Variants in LRMDA observed in about 807,000 individuals in gnomAD.
LRMDA encodes the protein leucine rich melanocyte differentiation associated.
In LRMDA, 18 loss-of-function variants were observed where a neutral mutation model predicts 29.8. The ratio of observed to expected loss-of-function variants is 0.60; its 90% CI spans 0.42 to 0.90. The LOEUF (loss-of-function observed/expected upper bound fraction) is 0.90. LRMDA is among the 40% of genes least tolerant of loss of function. The probability of loss-of-function intolerance (pLI) is 0.00; values close to 1 mark genes in which losing one functional copy is unlikely to be tolerated. For synonymous variants in LRMDA, 125 were observed against 109.4 expected (o/e 1.14, Z -0.89); for missense variants, 273 against 273.9 (o/e 1.00, Z 0.02).
At chr10:76,204,116 A>T (rs1219335495) in intron 5 of LRMDA, among the ~76,000 whole-genome samples, 1 of 122,412 alleles carries the variant, frequency 8.2e-6, no homozygotes, top group Non-Finnish European at 1.6e-5. Flanking sequence ...CCATCAACCC[A>T]TCTCTCCATG....
chr10:75,768,092 C>T (rs1564563014), intron 2 of LRMDA, among the ~76,000 whole-genome samples: 1 of 152,152 alleles, frequency 6.6e-6, no homozygotes, highest in Non-Finnish European at 1.5e-5. Flanking sequence ...TTCTAGTCTC[C>T]AGGACTGTGG....
At chr10:75,877,636 A>C (rs1334052280) in intron 2 of LRMDA, among the ~76,000 whole-genome samples, 1 of 152,226 alleles carries the variant, frequency 6.6e-6, no homozygotes, top group Non-Finnish European at 1.5e-5. Context: ...CTAACAGGCA[A>C]ACTAGCTTAG....
chr10:76,460,644 C>T (rs991161940), intron 6 of LRMDA, among the ~76,000 whole-genome samples: 18 of 152,206 alleles, frequency 1.2e-4, no homozygotes, highest in African/African-American at 4.1e-4. Context: ...TCAGGGTGCC[C>T]AGCCCAGGGT....
intron 2 of LRMDA, among the ~76,000 whole-genome samples, chr10:75,735,456 AAACT>A (rs923498813): frequency 5.3e-5 from 8 of 152,176 alleles, no homozygotes; most frequent in East Asian, 1.9e-4. Flanking sequence ...CATGAAAAAC[AAACT>A]AACTAACAAT....
At chr10:76,285,241 C>T (rs537385669) in intron 5 of LRMDA, among the ~76,000 whole-genome samples, 18 of 152,036 alleles carry the variant, frequency 1.2e-4, no homozygotes, top group African/African-American at 4.3e-4. Flanking sequence ...CAGTTTTTTC[C>T]ACAACTCAAC....
chr10:75,829,744 T>C (rs1037377252), intron 2 of LRMDA, among the ~76,000 whole-genome samples: 2 of 152,006 alleles, frequency 1.3e-5, no homozygotes, highest in Admixed American at 6.6e-5. Context: ...TACTGTCTTA[T>C]GGCAAATTTT....
intron 2 of LRMDA, among the ~76,000 whole-genome samples, chr10:75,927,730 G>A (rs1846143007): frequency 6.6e-6 from 1 of 152,226 alleles, no homozygotes; most frequent in Non-Finnish European, 1.5e-5. Flanking sequence ...CACACAGCTA[G>A]TAAACAGTAA....
At chr10:75,958,215 G>T (rs1331812844) in intron 2 of LRMDA, among the ~76,000 whole-genome samples, 1 of 152,168 alleles carries the variant, frequency 6.6e-6, no homozygotes, top group Admixed American at 6.5e-5. Context: ...GTACATCCTG[G>T]TTTCTTGCTT....
chr10:75,659,911 A>G (rs1038907734), intron 2 of LRMDA, among the ~76,000 whole-genome samples: 5 of 152,058 alleles, frequency 3.3e-5, no homozygotes, highest in Non-Finnish European at 7.4e-5. Context: ...TCATTGCCCT[A>G]TGATTTTTTT....
chr10:75,532,077 A>AT (rs1491345365), intron 2 of LRMDA, among the ~76,000 whole-genome samples: 2 of 140,422 alleles, frequency 1.4e-5, no homozygotes, highest in Non-Finnish European at 3.1e-5. Flanking sequence ...AAAAAAAAAA[A>AT]GGAAAGAGCC....
chr10:75,659,623 T>TCAC (rs1047538480), intron 2 of LRMDA, among the ~76,000 whole-genome samples: 1 of 152,180 alleles, frequency 6.6e-6, no homozygotes, highest in African/African-American at 2.4e-5. Context: ...AGAAATGTGG[T>TCAC]CACCAGGGAC....
intron 2 of LRMDA, among the ~76,000 whole-genome samples, chr10:75,850,298 A>G (rs1207234775): frequency 6.6e-6 from 1 of 152,228 alleles, no homozygotes; most frequent in Non-Finnish European, 1.5e-5. Context: ...AGATTTTTAA[A>G]AAGTATAGTA....
chr10:75,995,493 G>A (rs1469198739), intron 2 of LRMDA, among the ~76,000 whole-genome samples: 1 of 152,186 alleles, frequency 6.6e-6, no homozygotes, highest in Non-Finnish European at 1.5e-5. Context: ...GGGAAACTGG[G>A]TTATAAATCT....
chr10:76,096,676 A>C (rs957360530), intron 5 of LRMDA, among the ~76,000 whole-genome samples: 7 of 152,110 alleles, frequency 4.6e-5, no homozygotes, highest in Non-Finnish European at 8.8e-5. Flanking sequence ...GATTCTGTTG[A>C]CTATGTAGTG....
rs1849088755 is a variant in LRMDA at position 76,083,841 on chromosome 10, A to C, written c.516+25058A>C. On this transcript the variant is annotated intron_variant, in intron 5 of 6. Transcript: ENST00000611255. ...AGAGCTAGACTGCATCTCAAAAAAAAAAAAAAAAAGGGGCTCTAGTGCATC... is the reference window on the plus strand; with the variant it reads ...AGAGCTAGACTGCATCTCAAAAAAACAAAAAAAAAGGGGCTCTAGTGCATC... Among the ~76,000 whole-genome samples the C allele has an allele frequency of 2.0e-5, 3 of 151,864 alleles. No individual in the cohort carries two copies. The South Asian group carries it at 6.2e-4, about 32-fold the overall frequency.
intron 2 of LRMDA, among the ~76,000 whole-genome samples, chr10:75,816,310 A>G (rs1449780207): frequency 6.6e-6 from 1 of 152,170 alleles, no homozygotes; most frequent in Non-Finnish European, 1.5e-5. Context: ...TGGGAGAGCT[A>G]AGGAGCAATC....
chr10:75,705,049 G>A (rs1842350219), intron 2 of LRMDA, among the ~76,000 whole-genome samples: 1 of 152,146 alleles, frequency 6.6e-6, no homozygotes, highest in African/African-American at 2.4e-5. Flanking sequence ...AGTGGGATGG[G>A]GAAAGTGTGA....
intron 2 of LRMDA, among the ~76,000 whole-genome samples, chr10:75,662,845 A>G (rs956312557): frequency 2.6e-5 from 4 of 152,242 alleles, no homozygotes; most frequent in African/African-American, 9.6e-5. Context: ...CTGCAGTGAC[A>G]GAAAGACATA....
intron 6 of LRMDA, among the ~76,000 whole-genome samples, chr10:76,525,834 A>G (rs900326305): frequency 6.6e-6 from 1 of 152,152 alleles, no homozygotes; most frequent in African/African-American, 2.4e-5. Flanking sequence ...GTATGTAGCA[A>G]TTCCAGAATT....
Sources: allele counts gnomAD v4.1 joint callset (sites outside exome capture counted in the v4.1 genomes callset), GRCh38; gene constraint gnomAD v4.1.1; transcripts MANE v1.5; gene names NCBI Gene and HGNC (gene_info 2026-07-23, HGNC 2026-07-21).